SAMD12: variants seen among roughly 807,000 people sequenced by gnomAD.
SAMD12 encodes sterile alpha motif domain containing 12.
In SAMD12, 9 loss-of-function variants were observed where a neutral mutation model predicts 15.0. The ratio of observed to expected loss-of-function variants is 0.60; its 90% CI spans 0.36 to 1.05. The LOEUF (loss-of-function observed/expected upper bound fraction) is 1.05, where lower values mean the gene tolerates loss of function less well. Ranked by LOEUF, SAMD12 falls within the 50% of genes least tolerant of loss-of-function variation. The probability of loss-of-function intolerance (pLI) is 0.01; values close to 1 mark genes in which losing one functional copy is unlikely to be tolerated. For missense variants in SAMD12, 230 were observed against 234.2 expected (o/e 0.98, Z 0.12); for synonymous variants, 86 against 90.1 (o/e 0.96, Z 0.25).
chr8:118,448,314 A>G (rs1045641563), intron 2 of SAMD12, among the ~76,000 whole-genome samples: 5 of 152,158 alleles, frequency 3.3e-5, no homozygotes, highest in African/African-American at 1.2e-4. Context: ...TTATCTCTCC[A>G]TCATAAGTAT....
At chr8:118,159,536 C>T in the SAMD12 span, among the ~76,000 whole-genome samples, 1 of 152,084 alleles carries the variant, frequency 6.6e-6, no homozygotes, top group East Asian at 1.9e-4. Context: ...AAAACTTGGG[C>T]AAAGGCGCCA....
chr8:118,272,480 G>T (rs911369369), intron 4 of SAMD12, among the ~76,000 whole-genome samples: 2 of 152,212 alleles, frequency 1.3e-5, no homozygotes, highest in African/African-American at 4.8e-5. Context: ...CATTGTCTGG[G>T]TGATTAACAT....
intron 2 of SAMD12, among the ~76,000 whole-genome samples, chr8:118,553,769 T>C (rs1826426898): frequency 1.3e-5 from 2 of 150,826 alleles, no homozygotes; most frequent in South Asian, 4.2e-4. Context: ...GAGAAACTTT[T>C]CGCAACCTAC....
the SAMD12 span, among the ~76,000 whole-genome samples, chr8:118,168,643 C>T: frequency 0.035 from 5,321 of 152,204 alleles, 302 homozygotes; most frequent in African/African-American, 0.12. Context: ...GCCAGGCACA[C>T]CCCAGATAGG....
At chr8:118,592,767 G>A (rs1827614948) in intron 1 of SAMD12, among the ~76,000 whole-genome samples, 1 of 152,102 alleles carries the variant, frequency 6.6e-6, no homozygotes, top group Non-Finnish European at 1.5e-5. Context: ...AACAGAAACA[G>A]GTGATTAGTA....
At chr8:118,461,890 A>T (rs1563874818) in intron 2 of SAMD12, among the ~76,000 whole-genome samples, 1 of 152,226 alleles carries the variant, frequency 6.6e-6, no homozygotes, top group Admixed American at 6.5e-5. Context: ...AAAAGTTTAT[A>T]ATGTGCAATT....
intron 4 of SAMD12, among the ~76,000 whole-genome samples, chr8:118,248,557 A>G (rs1812748462): frequency 6.6e-6 from 1 of 152,082 alleles, no homozygotes; most frequent in African/African-American, 2.4e-5. Flanking sequence ...TCATGAGTAT[A>G]TATTCGCTCA....
the SAMD12 span, among the ~76,000 whole-genome samples, chr8:118,140,498 C>T: frequency 6.6e-3 from 998 of 152,222 alleles, 18 homozygotes; most frequent in African/African-American, 0.023. Flanking sequence ...CCTCAAACTC[C>T]TGGACACCAG....
rs187619013 is a variant in SAMD12 at position 118,612,633 on chromosome 8, C to T, written c.13+9171G>A. Among the ~76,000 whole-genome samples the T allele has an allele frequency of 1.9e-3, 291 of 152,320 alleles. 1 individual carries two copies. Among genetic ancestry groups the T allele is most frequent in the African/African-American group, 6.7e-3 (280 of 41,582 alleles). On this transcript the variant is annotated intron_variant, in intron 1 of 3. Transcript: ENST00000314727. ...CAAATAAAAGAACACATTTGAGACACCGTCAATCTGGAAAACCGCTCAGCA... is the reference window on the plus strand; with the variant it reads ...CAAATAAAAGAACACATTTGAGACATCGTCAATCTGGAAAACCGCTCAGCA...
chr8:118,607,425 G>A (rs1043958030), intron 1 of SAMD12, among the ~76,000 whole-genome samples: 21 of 152,094 alleles, frequency 1.4e-4, no homozygotes, highest in Admixed American at 3.9e-4. Context: ...TAGTAGAGAC[G>A]GGGTTTCTCC....
At chr8:118,552,543 A>C (rs1335794703) in intron 2 of SAMD12, among the ~76,000 whole-genome samples, 1 of 152,198 alleles carries the variant, frequency 6.6e-6, no homozygotes, top group Non-Finnish European at 1.5e-5. Context: ...AAATAATAAG[A>C]GCTATCTATG....
intron 3 of SAMD12, among the ~76,000 whole-genome samples, chr8:118,411,599 C>G (rs771263394): frequency 7.0e-6 from 1 of 142,450 alleles, no homozygotes; most frequent in Non-Finnish European, 1.5e-5. Context: ...CACAGGGGAC[C>G]CACAATAGTT....
intron 3 of SAMD12, among the ~76,000 whole-genome samples, chr8:118,388,600 G>A (rs1252808568): frequency 6.6e-6 from 1 of 152,116 alleles, no homozygotes; most frequent in Non-Finnish European, 1.5e-5. Context: ...GATTCCTTGA[G>A]GTTCTCAAGC....
chr8:118,468,415 G>A (rs1331219206), intron 2 of SAMD12, among the ~76,000 whole-genome samples: 1 of 152,028 alleles, frequency 6.6e-6, no homozygotes, highest in Non-Finnish European at 1.5e-5. Flanking sequence ...CAACTACCCT[G>A]CTATTATTGC....
intron 1 of SAMD12, among the ~76,000 whole-genome samples, chr8:118,595,124 C>T (rs1827692652): frequency 6.6e-6 from 1 of 152,194 alleles, no homozygotes; most frequent in East Asian, 1.9e-4. Context: ...ACCCATGCAT[C>T]CTACAGCCCA....
chr8:118,472,974 G>T (rs897202183), intron 2 of SAMD12, among the ~76,000 whole-genome samples: 10 of 152,024 alleles, frequency 6.6e-5, no homozygotes, highest in Non-Finnish European at 1.3e-4. Flanking sequence ...TTGCTCACCT[G>T]ATATATTTTT....
intron 4 of SAMD12, among the ~76,000 whole-genome samples, chr8:118,217,158 C>T (rs1811982070): frequency 6.6e-6 from 1 of 152,162 alleles, no homozygotes; most frequent in African/African-American, 2.4e-5. Flanking sequence ...TGCACACCAC[C>T]ACACCCAGCT....
chr8:118,267,840 C>T (rs949739229), intron 4 of SAMD12, among the ~76,000 whole-genome samples: 3 of 152,056 alleles, frequency 2.0e-5, no homozygotes, highest in Non-Finnish European at 4.4e-5. Context: ...CCTGTAATCC[C>T]AGCACTTTGG....
chr8:118,542,596 A>G (rs1459556222), intron 2 of SAMD12, among the ~76,000 whole-genome samples: 2 of 152,250 alleles, frequency 1.3e-5, no homozygotes, highest in African/African-American at 4.8e-5. Context: ...CAGGTCTTCC[A>G]GAACCAAGAA....
Sources: allele counts gnomAD v4.1 joint callset (sites outside exome capture counted in the v4.1 genomes callset), GRCh38; gene constraint gnomAD v4.1.1; transcripts MANE v1.5; gene names NCBI Gene and HGNC (gene_info 2026-07-23, HGNC 2026-07-21).